RBPJ: variants seen among roughly 807,000 people sequenced by gnomAD.
RBPJ encodes the protein recombination signal binding protein for immunoglobulin kappa J region, also known as recombining binding protein suppressor of hairless.
Under a neutral mutation model 67.8 loss-of-function variants are expected in RBPJ, and 9 were observed. That is an observed-to-expected ratio of 0.13 (90% CI 0.08 to 0.23). RBPJ has a LOEUF of 0.23. Ranked by LOEUF, RBPJ falls within the 10% of genes least tolerant of loss-of-function variation. RBPJ has a pLI of 1.00. For synonymous variants in RBPJ, 198 were observed against 203.3 expected, an observed-to-expected ratio of 0.97 and a Z score of 0.22; for missense variants, 305 against 595.6, an observed-to-expected ratio of 0.51 and a Z score of 5.08.
intron 1 of RBPJ, among the ~76,000 whole-genome samples, chr4:26,328,477 G>T (rs1560268991): frequency 1.3e-5 from 2 of 152,194 alleles, no homozygotes; most frequent in Admixed American, 1.3e-4. Flanking sequence ...GATATTTAGT[G>T]TTGGTGGGAA....
the RBPJ span, among the ~76,000 whole-genome samples, chr4:26,118,896 C>A: frequency 1.3e-5 from 2 of 152,216 alleles, no homozygotes; most frequent in African/African-American, 4.8e-5. Flanking sequence ...TTTGACACCA[C>A]TCTTTTTCTT....
At chr4:26,224,807 T>C (rs893606564) in intron 1 of RBPJ, among the ~76,000 whole-genome samples, 2 of 152,204 alleles carry the variant, frequency 1.3e-5, no homozygotes, top group African/African-American at 4.8e-5. Context: ...GACAAACAGT[T>C]TTCCAGAAGC....
intron 1 of RBPJ, among the ~76,000 whole-genome samples, chr4:26,260,729 T>G (rs1720498160): frequency 6.6e-6 from 1 of 152,160 alleles, no homozygotes. Context: ...CCTTTGTAAT[T>G]CCCCTGGAGC....
At chr4:26,351,221 G>A (rs142352846) in intron 1 of RBPJ, among the ~76,000 whole-genome samples, 1 of 152,170 alleles carries the variant, frequency 6.6e-6, no homozygotes, top group Non-Finnish European at 1.5e-5. Flanking sequence ...GTGTACATTA[G>A]TGCGTGATCT....
chr4:26,304,985 T>C (rs1722189670), intron 1 of RBPJ, among the ~76,000 whole-genome samples: 1 of 152,190 alleles, frequency 6.6e-6, no homozygotes, highest in African/African-American at 2.4e-5. Flanking sequence ...GGTTTTTAGA[T>C]TTAGGGCTAT....
chr4:26,302,755 G>C (rs1442307008), intron 1 of RBPJ, among the ~76,000 whole-genome samples: 1 of 152,172 alleles, frequency 6.6e-6, no homozygotes, highest in Non-Finnish European at 1.5e-5. Flanking sequence ...CAGGGGTGTG[G>C]AAGGATCAAA....
At position 26,424,954 on chromosome 4, in the gene RBPJ, C is replaced by G. The variant is rs1735488948; in HGVS notation, c.747+211C>G. The G allele has an allele frequency of 1.1e-5, 5 of 449,524 alleles. No individual in the cohort carries two copies. Among genetic ancestry groups the G allele is most frequent in the Non-Finnish European group, 1.6e-5 (4 of 257,314 alleles). 27.8% of individuals were successfully genotyped at this position (449,524 alleles called of 1,614,324 possible). A position where few individuals can be genotyped will look rare whatever the true frequency, so the allele number is the denominator to read the frequency against. ...AGGTAATAGCCAGTTTTTACAAGTA[C>G]ATTCTTAATGATTTTTTCTTAAATG... On this transcript the variant is annotated intron_variant, in intron 7 of 10. Coordinates refer to ENST00000355476, the MANE Select transcript of RBPJ (RefSeq NM_015874.6). This position sits in a 1 kb window ranked among gnomAD's most constrained non-coding sequence, Gnocchi z 5.3.
intron 1 of RBPJ, among the ~76,000 whole-genome samples, chr4:26,238,806 G>A (rs768704592): frequency 2.6e-5 from 4 of 152,134 alleles, no homozygotes; most frequent in Non-Finnish European, 5.9e-5. Context: ...CTGGGCAGAT[G>A]GGGATGGCAG....
chr4:26,368,813 G>A (rs1728873696), intron 1 of RBPJ, among the ~76,000 whole-genome samples: 1 of 152,242 alleles, frequency 6.6e-6, no homozygotes, highest in Non-Finnish European at 1.5e-5. Context: ...TAACTTGAGT[G>A]AGAAATTCTA....
intron 1 of RBPJ, among the ~76,000 whole-genome samples, chr4:26,282,750 ACCTCAGGTGAT>A (rs1285100487): frequency 6.6e-6 from 1 of 151,904 alleles, no homozygotes; most frequent in Non-Finnish European, 1.5e-5. Context: ...GTTACTCCTG[ACCTCAGGTGAT>A]CCACCCACCT....
At chr4:26,194,566 A>G (rs1717684318) in intron 1 of RBPJ, among the ~76,000 whole-genome samples, 2 of 152,238 alleles carry the variant, frequency 1.3e-5, no homozygotes, top group African/African-American at 4.8e-5. Context: ...ACCAGGTCAC[A>G]TGACTTCAGA....
intron 1 of RBPJ, among the ~76,000 whole-genome samples, chr4:26,208,562 A>G (rs1043091852): frequency 6.6e-6 from 1 of 152,198 alleles, no homozygotes; most frequent in Non-Finnish European, 1.5e-5. Flanking sequence ...GACAAACTGA[A>G]AGGATTTTTA....
chr4:26,366,441 T>C (rs1728634507), intron 1 of RBPJ, among the ~76,000 whole-genome samples: 1 of 152,170 alleles, frequency 6.6e-6, no homozygotes, highest in Non-Finnish European at 1.5e-5. Context: ...TTTATTTTTT[T>C]GAGACCAAGT....
chr4:26,338,703 T>C (rs923231226), intron 1 of RBPJ, among the ~76,000 whole-genome samples: 12 of 151,926 alleles, frequency 7.9e-5, no homozygotes, highest in Non-Finnish European at 1.3e-4. Flanking sequence ...GCCTCTTGAG[T>C]AGCTGGGATT....
chr4:26,201,062 A>T (rs1210603610), intron 1 of RBPJ, among the ~76,000 whole-genome samples: 1 of 152,180 alleles, frequency 6.6e-6, no homozygotes, highest in African/African-American at 2.4e-5. Flanking sequence ...CTCTTAAGAT[A>T]ATCTTTGGGG....
the RBPJ span, among the ~76,000 whole-genome samples, chr4:26,123,025 G>A: frequency 6.6e-6 from 1 of 152,244 alleles, no homozygotes; most frequent in Admixed American, 6.5e-5. Flanking sequence ...AACAGATTGG[G>A]CATAAATACA....
intron 2 of RBPJ, among the ~76,000 whole-genome samples, chr4:26,397,760 G>A (rs1188145740): frequency 3.3e-5 from 5 of 151,996 alleles, no homozygotes; most frequent in African/African-American, 1.2e-4. Context: ...CAGCCTCCCA[G>A]GTAGCTGGGA....
intron 1 of RBPJ, among the ~76,000 whole-genome samples, chr4:26,232,598 T>C (rs956608573): frequency 6.6e-6 from 1 of 152,254 alleles, no homozygotes; most frequent in Non-Finnish European, 1.5e-5. Flanking sequence ...TGGAGCAATC[T>C]GTAACAGAAT....
intron 1 of RBPJ, among the ~76,000 whole-genome samples, chr4:26,313,313 C>T (rs112085067): frequency 2.6e-4 from 39 of 152,194 alleles, no homozygotes; most frequent in African/African-American, 9.1e-4. Flanking sequence ...GGGCGGATCA[C>T]CTGAGGTTGG....
Sources: allele counts gnomAD v4.1 joint callset (sites outside exome capture counted in the v4.1 genomes callset), GRCh38; gene constraint gnomAD v4.1.1; non-coding constraint Gnocchi (gnomAD v3.1); transcripts MANE v1.5; gene names NCBI Gene and HGNC (gene_info 2026-07-23, HGNC 2026-07-21).